The following PDZD2 variants were observed in gnomAD, a reference collection of about 807,000 sequenced individuals.
PDZD2 encodes PDZ domain-containing protein 2.
PDZD2 carries 90 observed loss-of-function variants against 220.7 expected under a neutral mutation model. The observed-to-expected ratio is 0.41, with a 90% CI of 0.34 to 0.49. PDZD2 has a LOEUF of 0.49. Ranked by LOEUF, PDZD2 falls within the 20% of genes least tolerant of loss-of-function variation. The pLI, the probability that PDZD2 is intolerant of heterozygous loss-of-function variation, is 0.28. For synonymous variants in PDZD2, 1,375 were observed against 1,450.5 expected (o/e 0.95, Z 1.18); for missense variants, 3,174 against 3,608.5 (o/e 0.88, Z 3.08).
chr5:31,764,895 G>A (rs1198242424), intron 1 of PDZD2, among the ~76,000 whole-genome samples: 5 of 152,118 alleles, frequency 3.3e-5, no homozygotes, highest in African/African-American at 4.8e-5. Context: ...TGGCCAACAC[G>A]GAAAAACCCT....
chr5:31,976,714 CTTTTTTTTTTTT>C lies in PDZD2; in HGVS notation c.477-6431_477-6420del, dbSNP rs869280921. ...CTTTCTTTTCCTTTTTTTCTTCTTT[CTTTTTTTTTTTT>C]TTTTTTTTTGTGACAGAGTCTCCCT... On this transcript the variant is annotated intron_variant, in intron 2 of 24. Transcript: ENST00000438447. Among the ~76,000 whole-genome samples the C allele has an allele frequency of 9.9e-4, 99 of 99,732 alleles. 2 individuals are homozygous for C. The highest frequency in any genetic ancestry group is 1.6e-3 in the Non-Finnish European group (80 of 51,508). The allele number at this position is 99,732 out of a possible 152,430, so 65.4% of individuals were successfully genotyped here. A position where few individuals can be genotyped will look rare whatever the true frequency, so the allele number is the denominator to read the frequency against.
At chr5:31,717,458 T>C (rs1024826767) in intron 1 of PDZD2, among the ~76,000 whole-genome samples, 1 of 152,218 alleles carries the variant, frequency 6.6e-6, no homozygotes, top group Non-Finnish European at 1.5e-5. Context: ...CTAGGGTCTT[T>C]GCTACCAGAG....
chr5:31,927,368 C>G (rs928205086), intron 2 of PDZD2, among the ~76,000 whole-genome samples: 1 of 108,712 alleles, frequency 9.2e-6, no homozygotes. Context: ...CTGCTACTTT[C>G]TTTTTTGGGT....
Position 32,064,073 on chromosome 5 carries a change from A to G in PDZD2, c.2451+2939A>G, listed in dbSNP as rs1581405829. Reference sequence around the variant, plus strand: ...AGTTGCAGATAATCATGGTCCCTACATTGTTGGACTTGGCTGTTATTTGGT... The same window carrying G: ...AGTTGCAGATAATCATGGTCCCTACGTTGTTGGACTTGGCTGTTATTTGGT... On this transcript the variant is annotated intron_variant, in intron 14 of 24. Coordinates refer to ENST00000438447, the MANE Select transcript of PDZD2 (RefSeq NM_178140.4). Among the ~76,000 whole-genome samples the G allele has an allele frequency of 2.0e-5, 3 of 152,236 alleles. No homozygotes were observed. In the East Asian group the frequency reaches 5.8e-4, roughly 29 times the overall value.
chr5:32,015,774 A>G (rs1308800067), intron 6 of PDZD2, among the ~76,000 whole-genome samples: 1 of 152,130 alleles, frequency 6.6e-6, no homozygotes, highest in Non-Finnish European at 1.5e-5. Context: ...GAGAAGAGGA[A>G]GAGTTTCAGT....
intron 1 of PDZD2, among the ~76,000 whole-genome samples, chr5:31,662,446 C>T (rs983129710): frequency 2.0e-5 from 3 of 152,178 alleles, no homozygotes; most frequent in African/African-American, 7.2e-5. Context: ...AACAAAAATT[C>T]CATAAACTCA....
At chr5:32,051,357 C>CA (rs1455400380) in intron 8 of PDZD2, among the ~76,000 whole-genome samples, 1 of 151,716 alleles carries the variant, frequency 6.6e-6, no homozygotes, top group Non-Finnish European at 1.5e-5. Context: ...TGTAAAACCG[C>CA]AAAAAAGAAA....
chr5:31,903,107 C>G (rs1276053696), intron 2 of PDZD2, among the ~76,000 whole-genome samples: 1 of 151,680 alleles, frequency 6.6e-6, no homozygotes, highest in Admixed American at 6.6e-5. Context: ...CCAGCCTGAC[C>G]AACATGGTGA....
In PDZD2 at chr5:32,000,378, A is replaced by G. The variant is rs1752006668; in HGVS notation, c.1254+107A>G. The G allele has an allele frequency of 8.5e-7, 1 of 1,180,284 alleles. No individual in the cohort carries two copies. Among genetic ancestry groups the G allele is most frequent in the South Asian group, 1.3e-5 (1 of 74,172 alleles). The allele number at this position is 1,180,284 out of a possible 1,614,324, so 73.1% of individuals were successfully genotyped here. On this transcript the variant is annotated intron_variant, in intron 5 of 24. Coordinates refer to ENST00000438447, the MANE Select transcript of PDZD2 (RefSeq NM_178140.4). The surrounding 1 kb of genome is among the most constrained non-coding windows in gnomAD (Gnocchi z 4.5). ...CACACAAAGACATGTGTGCACTTGT[A>G]CGTTTGCCTTGGGCTATTGAAACAG...
At position 31,956,758 on chromosome 5, in the gene PDZD2, C is replaced by CAA. The variant is rs70957986; in HGVS notation, c.477-26371_477-26370dup. ...TGGGCAACAGAGCAAGACTCCATCT[C>CAA]AAAAAAAAAAAAAAAAAAAAAAAAA... On this transcript the variant is annotated intron_variant, in intron 2 of 24. Transcript: ENST00000438447. Among the ~76,000 whole-genome samples, 563 of 73,668 alleles carry CAA rather than the reference C, an allele frequency of 7.6e-3. 33 individuals carry two copies. Among genetic ancestry groups the CAA allele is most frequent in the Non-Finnish European group, 8.9e-3 (372 of 42,010 alleles). 48.3% of individuals were successfully genotyped at this position (73,668 alleles called of 152,430 possible). A position where few individuals can be genotyped will look rare whatever the true frequency, so the allele number is the denominator to read the frequency against.
chr5:31,790,911 G>C (rs1753678276), intron 1 of PDZD2, among the ~76,000 whole-genome samples: 1 of 151,352 alleles, frequency 6.6e-6, no homozygotes, highest in African/African-American at 2.4e-5. Flanking sequence ...TGTTAGCCAA[G>C]ATGGTCTTGA....
intron 1 of PDZD2, among the ~76,000 whole-genome samples, chr5:31,737,167 C>CT (rs57379430): frequency 0.061 from 4,039 of 66,248 alleles, 353 homozygotes; most frequent in African/African-American, 0.15. Context: ...CAGTCTACTT[C>CT]TTTTTTTTTT....
chr5:31,860,730 T>G (rs1007285467), intron 2 of PDZD2, among the ~76,000 whole-genome samples: 1 of 152,220 alleles, frequency 6.6e-6, no homozygotes, highest in Non-Finnish European at 1.5e-5. Context: ...TGGTAGCGTC[T>G]TCTTCATTGG....
intron 2 of PDZD2, among the ~76,000 whole-genome samples, chr5:31,850,120 GTA>G (rs1322351186): frequency 7.4e-6 from 1 of 135,308 alleles, no homozygotes; most frequent in Admixed American, 7.8e-5. Flanking sequence ...ATATATACGT[GTA>G]TATATGTGTG....
At chr5:31,973,052 TC>T (rs1749446710) in intron 2 of PDZD2, among the ~76,000 whole-genome samples, 1 of 152,256 alleles carries the variant, frequency 6.6e-6, no homozygotes, top group Non-Finnish European at 1.5e-5. Context: ...TCATTGTTGA[TC>T]AAGAATTTTC....
intron 1 of PDZD2, among the ~76,000 whole-genome samples, chr5:31,727,634 A>C (rs1345579061): frequency 6.8e-6 from 1 of 146,444 alleles, no homozygotes; most frequent in African/African-American, 2.5e-5. Flanking sequence ...CGGGAGGCAG[A>C]GGTTGCAGTG....
At chr5:31,789,499 G>T (rs1753575209) in intron 1 of PDZD2, among the ~76,000 whole-genome samples, 1 of 152,234 alleles carries the variant, frequency 6.6e-6, no homozygotes, top group South Asian at 2.1e-4. Context: ...GCCTCATCCA[G>T]GTAGCATTTC....
intron 6 of PDZD2, among the ~76,000 whole-genome samples, chr5:32,024,511 C>T (rs1339186213): frequency 1.3e-5 from 2 of 151,904 alleles, no homozygotes; most frequent in African/African-American, 4.8e-5. Context: ...GGCGAAACCT[C>T]GTCTCTACTA....
rs1449476647 is a variant in PDZD2, at chr5:32,071,476, G to A, written c.2568+58G>A. 5 of 1,359,958 alleles carry A rather than the reference G, an allele frequency of 3.7e-6. No individual in the cohort carries two copies. In the Middle Eastern group the frequency reaches 5.4e-4, roughly 146 times the overall value. The allele number at this position is 1,359,958 out of a possible 1,614,324, so 84.2% of individuals were successfully genotyped here. On this transcript the variant is annotated intron_variant, in intron 16 of 24. Coordinates refer to ENST00000438447, the MANE Select transcript of PDZD2 (RefSeq NM_178140.4). ...CAGCTGGACCACAAACTAATTCCTG[G>A]AGCCCACAAGTCAAGCCGGAGGGCC...
Sources: allele counts gnomAD v4.1 joint callset (sites outside exome capture counted in the v4.1 genomes callset), GRCh38; gene constraint gnomAD v4.1.1; non-coding constraint Gnocchi (gnomAD v3.1); transcripts MANE v1.5; gene names NCBI Gene and HGNC (gene_info 2026-07-23, HGNC 2026-07-21).